XKR9: variants seen among roughly 807,000 people sequenced by gnomAD.
XKR9 encodes the protein XK-related protein 9.
In XKR9, 32 loss-of-function variants were observed where a neutral mutation model predicts 32.0. That is an observed-to-expected ratio of 1.00 (90% CI 0.76 to 1.34). XKR9 has a LOEUF of 1.34. Among genes scored for constraint, XKR9 ranks in the 40% most tolerant of loss-of-function variants. XKR9 has a pLI of 0.00. For synonymous variants in XKR9, 168 were observed against 143.4 expected (o/e 1.17, Z -1.22); for missense variants, 546 against 429.7 (o/e 1.27, Z -2.39).
At chr8:70,880,913 C>G in the XKR9 span, among the ~76,000 whole-genome samples, 238 of 152,218 alleles carry the variant, frequency 1.6e-3, 1 homozygote, top group African/African-American at 5.5e-3. Context: ...GTACTGGTAC[C>G]AAAACAGATA....
the XKR9 span, among the ~76,000 whole-genome samples, chr8:70,881,585 G>A: frequency 1.3e-5 from 2 of 152,192 alleles, no homozygotes; most frequent in African/African-American, 4.8e-5. Flanking sequence ...ATGCCAGTTA[G>A]AATGGCAGTC....
At chr8:70,908,618 A>G in the XKR9 span, among the ~76,000 whole-genome samples, 1 of 152,216 alleles carries the variant, frequency 6.6e-6, no homozygotes, top group African/African-American at 2.4e-5. Flanking sequence ...TGTTGTTACT[A>G]TTCAATTATT....
chr8:71,022,314 A>T, the XKR9 span, among the ~76,000 whole-genome samples: 19 of 152,326 alleles, frequency 1.2e-4, no homozygotes, highest in African/African-American at 4.3e-4. Flanking sequence ...GGGCCAGTCT[A>T]GTGGCAATGA....
the XKR9 span, among the ~76,000 whole-genome samples, chr8:70,974,267 G>T: frequency 2.7e-5 from 4 of 150,366 alleles, no homozygotes; most frequent in Non-Finnish European, 4.4e-5. Flanking sequence ...TGTACTTTTA[G>T]GTTCTAGGGT....
the XKR9 span, among the ~76,000 whole-genome samples, chr8:70,829,488 T>A: frequency 2.0e-3 from 298 of 152,012 alleles, 2 homozygotes; most frequent in African/African-American, 6.9e-3. Flanking sequence ...TCGCCCTGTC[T>A]CCCAGGCTGG....
At chr8:70,975,748 C>A in the XKR9 span, among the ~76,000 whole-genome samples, 1 of 152,052 alleles carries the variant, frequency 6.6e-6, no homozygotes, top group African/African-American at 2.4e-5. Flanking sequence ...TCCATATGAA[C>A]TTTAAAGTAG....
At chr8:71,029,001 C>T in the XKR9 span, among the ~76,000 whole-genome samples, 1 of 152,056 alleles carries the variant, frequency 6.6e-6, no homozygotes, top group African/African-American at 2.4e-5. Context: ...TTCATGATTT[C>T]TCTGAGTCCA....
At chr8:70,925,944 T>C in the XKR9 span, among the ~76,000 whole-genome samples, 3 of 152,218 alleles carry the variant, frequency 2.0e-5, no homozygotes, top group Admixed American at 1.3e-4. Context: ...TAGAACACTT[T>C]CTTATACATT....
the XKR9 span, among the ~76,000 whole-genome samples, chr8:71,046,319 C>T: frequency 6.6e-6 from 1 of 152,128 alleles, no homozygotes; most frequent in Non-Finnish European, 1.5e-5. Context: ...CAGGGGTAGC[C>T]AAGGCTCTCA....
At chr8:70,771,210 A>C (rs1180870685) in intron 2 of XKR9, among the ~76,000 whole-genome samples, 1 of 151,942 alleles carries the variant, frequency 6.6e-6, no homozygotes, top group Non-Finnish European at 1.5e-5. Flanking sequence ...GCAACACCCC[A>C]CCCTGCTTCA....
chr8:70,806,682 C>T, the XKR9 span, among the ~76,000 whole-genome samples: 2 of 151,946 alleles, frequency 1.3e-5, no homozygotes, highest in Admixed American at 6.6e-5. Flanking sequence ...TTGAAGACCA[C>T]CTTGCTGAAA....
the XKR9 span, among the ~76,000 whole-genome samples, chr8:70,818,814 C>G: frequency 1.3e-5 from 2 of 152,166 alleles, no homozygotes; most frequent in Admixed American, 1.3e-4. Context: ...ACACACTGGC[C>G]TATTTACAGT....
the XKR9 span, among the ~76,000 whole-genome samples, chr8:70,993,530 A>G: frequency 6.6e-6 from 1 of 152,112 alleles, no homozygotes; most frequent in African/African-American, 2.4e-5. Flanking sequence ...TTTAAAATGT[A>G]TTTAAAATTT....
chr8:70,762,940 C>T (rs1480817048), intron 2 of XKR9, among the ~76,000 whole-genome samples: 1 of 152,082 alleles, frequency 6.6e-6, no homozygotes, highest in East Asian at 1.9e-4. Context: ...TATATAGAGA[C>T]ACTATTGAAA....
chr8:70,724,194 C>T (rs1180205815), intron 4 of XKR9, among the ~76,000 whole-genome samples: 1 of 150,550 alleles, frequency 6.6e-6, no homozygotes, highest in Non-Finnish European at 1.5e-5. Flanking sequence ...AGGGGAAAGC[C>T]GCCTACTGAA....
At chr8:70,882,415 A>C in the XKR9 span, among the ~76,000 whole-genome samples, 2 of 151,800 alleles carry the variant, frequency 1.3e-5, no homozygotes, top group Non-Finnish European at 2.9e-5. Context: ...AGAATTTTTC[A>C]AATGCGTATA....
At chr8:70,879,762 C>G in the XKR9 span, among the ~76,000 whole-genome samples, 1 of 150,886 alleles carries the variant, frequency 6.6e-6, no homozygotes, top group African/African-American at 2.4e-5. Flanking sequence ...GGAATCCTCC[C>G]TAACTCATTT....
chr8:70,799,293 C>G, the XKR9 span, among the ~76,000 whole-genome samples: 1 of 151,978 alleles, frequency 6.6e-6, no homozygotes, highest in Non-Finnish European at 1.5e-5. Flanking sequence ...TCCTAAGCAT[C>G]TTATTCTTTT....
chr8:71,008,442 G>C, the XKR9 span, among the ~76,000 whole-genome samples: 3 of 152,054 alleles, frequency 2.0e-5, no homozygotes, highest in African/African-American at 7.3e-5. Context: ...CATTCTTCAT[G>C]GTCTTGGCAG....
Sources: allele counts gnomAD v4.1 joint callset (sites outside exome capture counted in the v4.1 genomes callset), GRCh38; gene constraint gnomAD v4.1.1; transcripts MANE v1.5; gene names NCBI Gene and HGNC (gene_info 2026-07-23, HGNC 2026-07-21).